The following CNDP2 variants were observed in gnomAD, a reference collection of about 807,000 sequenced individuals.
CNDP2 encodes cytosolic non-specific dipeptidase.
CNDP2 carries 38 observed loss-of-function variants against 55.0 expected under a neutral mutation model. The observed-to-expected ratio is 0.69, with a 90% confidence interval of 0.53 to 0.90. CNDP2 has a LOEUF of 0.90. Ranked by LOEUF, CNDP2 falls within the 40% of genes least tolerant of loss-of-function variation. The pLI is 0.00. For missense variants in CNDP2, 607 were observed against 621.7 expected (o/e 0.98, Z 0.25); for synonymous variants, 241 against 260.2 (o/e 0.93, Z 0.71).
At chr18:74,512,640 A>T (rs1487909451) in intron 7 of CNDP2, 108 bp downstream of exon 7, 2 of 881,308 alleles carry the variant, frequency 2.3e-6, no homozygotes, top group Non-Finnish European at 3.6e-6. Flanking sequence ...CACATGAACC[A>T]ACTTCTGTCT....
rs772368111 is a variant in CNDP2, at chr18:74,501,348, C to T, written c.80C>T (p.Ala27Val). Residue 27 changes from alanine (A) to valine (V), a missense_variant, in exon 3 of 12, where the codon GCT becomes GTT. Transcript: ENST00000324262. ...RYIKKLAKWV[A>V]IQSVSAWPEK... ...AAACAGAAACTCGCAAAATGGGTGG[C>T]TATCCAGAGTGTGTCTGCGTGGCCG... 1 of 1,612,774 alleles carries T rather than the reference C, an allele frequency of 6.2e-7. No individual in the cohort carries two copies. The highest frequency in any genetic ancestry group is 8.5e-7 in the Non-Finnish European group (1 of 1,179,472).
At chr18:74,499,784 C>G (rs773827063) in intron 1 of CNDP2, 98 bp from the exon 2 acceptor site, 2 of 457,808 alleles carry the variant, frequency 4.4e-6, no homozygotes, top group Admixed American at 3.9e-5. Flanking sequence ...TCTCTGAAGC[C>G]GCAGTCACTT....
At chr18:74,501,789 C>A (rs976846542) in intron 3 of CNDP2, among the ~76,000 whole-genome samples, 1 of 152,182 alleles carries the variant, frequency 6.6e-6, no homozygotes, top group Middle Eastern at 3.2e-3. Context: ...AGCTTTCAAA[C>A]TAGGAAGTTA....
intron 11 of CNDP2, 135 bp from the exon 12 acceptor site, chr18:74,519,864 C>A: frequency 1.4e-6 from 1 of 714,870 alleles, no homozygotes; most frequent in Non-Finnish European, 2.3e-6. Context: ...AAGCAGGGCT[C>A]AGGGCCCCCA....
At chr18:74,518,827 G>A (rs1380136421) in intron 10 of CNDP2, 122 bp from the exon 11 acceptor site, 40 of 1,480,088 alleles carry the variant, frequency 2.7e-5, no homozygotes, top group Non-Finnish European at 3.5e-5. Flanking sequence ...CTTGAACGCG[G>A]GCTTGCTGTC....
In CNDP2 at chr18:74,499,928, C is replaced by G; in HGVS notation, c.-46C>G. ...GAGACAGGACTGACCAGTTGCTCTTCCTTCCAAGAACCTTCGAGATCTGCG... is the reference window on the plus strand; with the variant it reads ...GAGACAGGACTGACCAGTTGCTCTTGCTTCCAAGAACCTTCGAGATCTGCG... On this transcript the variant is annotated 5_prime_UTR_variant, in exon 2 of 12. Coordinates refer to ENST00000324262, the MANE Select transcript of CNDP2 (RefSeq NM_018235.3). 1 of 1,587,150 alleles carries G rather than the reference C, an allele frequency of 6.3e-7. No individual in the cohort carries two copies. The highest frequency in any genetic ancestry group is 8.6e-7 in the Non-Finnish European group (1 of 1,156,106).
Position 74,518,941 on chromosome 18 carries a change from C to T in CNDP2, c.1211-8C>T, listed in dbSNP as rs112548120. 1 of 1,475,758 alleles carries T rather than the reference C, an allele frequency of 6.8e-7. No homozygotes were observed. The highest frequency in any genetic ancestry group is 1.2e-5 in the South Asian group (1 of 86,322). The allele number at this position is 1,475,758 out of a possible 1,614,324, so 91.4% of individuals were successfully genotyped here. A position where few individuals can be genotyped will look rare whatever the true frequency, so the allele number is the denominator to read the frequency against. ...GCTCACCGTTTATTTTATTTCATTTCCCCCCAGTTTTTGGTGTTGAGCCAG... is the reference window on the plus strand; with the variant it reads ...GCTCACCGTTTATTTTATTTCATTTTCCCCCAGTTTTTGGTGTTGAGCCAG... On this transcript the variant is annotated splice_region_variant and splice_polypyrimidine_tract_variant and intron_variant, in intron 10 of 11. Coordinates refer to ENST00000324262, the MANE Select transcript of CNDP2 (RefSeq NM_018235.3).
intron 3 of CNDP2, among the ~76,000 whole-genome samples, chr18:74,503,957 T>G (rs1231255732): frequency 1.4e-5 from 2 of 138,276 alleles, no homozygotes; most frequent in Admixed American, 7.3e-5. Flanking sequence ...GGCCATACAC[T>G]GCACACGCAG....
intron 3 of CNDP2, 38 bp from the exon 4 acceptor site, chr18:74,505,811 C>G (rs1297384177): frequency 1.2e-6 from 2 of 1,611,186 alleles, no homozygotes; most frequent in Non-Finnish European, 1.7e-6. Flanking sequence ...ATTTCTTAAA[C>G]AAAGGCTGTC....
At chr18:74,501,895 A>AT (rs985024775) in intron 3 of CNDP2, among the ~76,000 whole-genome samples, 10 of 151,550 alleles carry the variant, frequency 6.6e-5, no homozygotes, top group Non-Finnish European at 1.2e-4. Flanking sequence ...TTATTTTTTT[A>AT]TTTTTTTTAT....
At chr18:74,515,285 T>C (rs2144608555) in intron 8 of CNDP2, among the ~76,000 whole-genome samples, 1 of 152,264 alleles carries the variant, frequency 6.6e-6, no homozygotes, top group African/African-American at 2.4e-5. Flanking sequence ...GTTAGGCTGT[T>C]GCAGGCACGG....
At chr18:74,501,894 T>A (rs7229256) in intron 3 of CNDP2, among the ~76,000 whole-genome samples, 49,301 of 151,974 alleles carry the variant, frequency 0.32, 8,970 homozygotes, top group African/African-American at 0.49. Flanking sequence ...CTTATTTTTT[T>A]ATTTTTTTTA....
intron 4 of CNDP2, 131 bp from the exon 5 acceptor site, chr18:74,508,709 G>C: frequency 1.5e-6 from 1 of 671,092 alleles, no homozygotes; most frequent in Non-Finnish European, 2.6e-6. Flanking sequence ...GGAAATTGGG[G>C]GCTCCTGATC....
chr18:74,516,119 C>A (rs1979648957), intron 8 of CNDP2, 109 bp from the exon 9 acceptor site: 1 of 1,239,686 alleles, frequency 8.1e-7, no homozygotes, highest in Non-Finnish European at 1.1e-6. Context: ...CTGGGCCAGG[C>A]CCTGTTTCAT....
At chr18:74,501,128 G>A (rs1248946958) in intron 2 of CNDP2, 1 of 1,149,702 alleles carries the variant, frequency 8.7e-7, no homozygotes, top group Non-Finnish European at 1.1e-6. Flanking sequence ...AATATGAGAG[G>A]GTCTCTCTCT....
chr18:74,505,272 TATAA>T (rs1436216344), intron 3 of CNDP2: 1 of 152,254 alleles, frequency 6.6e-6, no homozygotes, highest in African/African-American at 2.4e-5. Flanking sequence ...TGTTTTGTTA[TATAA>T]AAGTCAAAGA....
chr18:74,511,445 G>A (rs1979346855), intron 6 of CNDP2, among the ~76,000 whole-genome samples: 3 of 152,310 alleles, frequency 2.0e-5, no homozygotes, highest in South Asian at 4.1e-4. Context: ...AGTGGCTCAC[G>A]CCTGTAATCC....
chr18:74,511,723 G>C (rs1426244952), intron 6 of CNDP2, among the ~76,000 whole-genome samples: 2 of 145,894 alleles, frequency 1.4e-5, no homozygotes, highest in African/African-American at 5.0e-5. Context: ...AAAAAAAAAA[G>C]AGAAACCGAG....
rs769756785 is a variant in CNDP2, at chr18:74,501,458, A to C, written c.190A>C (p.Ile64Leu). 7 of 1,613,524 alleles carry C rather than the reference A, an allele frequency of 4.3e-6. No individual in the cohort carries two copies. ...QLGGSVELVDIGKQKLPDGSE... is the reference protein window; with the variant it reads ...QLGGSVELVDLGKQKLPDGSE... ...GGGGGGCTCTGTGGAACTGGTGGATATCGGAAAACAAAAGGTAGGAGGCAA... is the reference window on the plus strand; with the variant it reads ...GGGGGGCTCTGTGGAACTGGTGGATCTCGGAAAACAAAAGGTAGGAGGCAA... The change falls in exon 3 of 12, where the codon ATC becomes CTC. Residue 64 changes from isoleucine to leucine, a missense_variant. By Grantham distance (5) the Ile-to-Leu change is conservative. Coordinates refer to ENST00000324262, the MANE Select transcript of CNDP2 (RefSeq NM_018235.3).
Sources: gnomAD v4.1 joint callset for allele counts (sites outside exome capture counted in the v4.1 genomes callset) on GRCh38, gnomAD v4.1.1 for gene constraint, MANE v1.5 for transcripts, NCBI Gene and HGNC (gene_info 2026-07-23, HGNC 2026-07-21) for gene names.